Variants in WDR11 observed in about 807,000 individuals in gnomAD.
WDR11 encodes the protein WD repeat-containing protein 11.
Under a neutral mutation model 151.2 loss-of-function variants are expected in WDR11, and 83 were observed. That is an observed-to-expected ratio of 0.55 (90% CI 0.46 to 0.66). The LOEUF is 0.66. WDR11 is among the 30% of genes least tolerant of loss of function. The probability of loss-of-function intolerance (pLI) is 0.00; values close to 1 mark genes in which losing one functional copy is unlikely to be tolerated. For synonymous variants in WDR11, 484 were observed against 533.1 expected, an observed-to-expected ratio of 0.91 and a Z score of 1.27; for missense variants, 1,301 against 1,480.9, an observed-to-expected ratio of 0.88 and a Z score of 1.99.
rs191682729 is a variant in WDR11, at chr10:120,904,323, T to C, written c.3027+181T>C. Reference sequence around the variant, plus strand: ...AATAAACCTCATGAGAAAAAACATATGGTTAACCAGCTTGTAATTTAGACT... The same window carrying C: ...AATAAACCTCATGAGAAAAAACATACGGTTAACCAGCTTGTAATTTAGACT... On this transcript the variant is annotated intron_variant, in intron 24 of 28. Coordinates refer to ENST00000263461, the MANE Select transcript of WDR11 (RefSeq NM_018117.12). Among the ~76,000 whole-genome samples, 471 of 152,318 alleles carry C rather than the reference T, an allele frequency of 3.1e-3. 2 individuals are homozygous for C. The highest frequency in any genetic ancestry group is 3.7e-3 in the Non-Finnish European group (252 of 68,030).
chr10:120,870,178 A>C (rs537583027), intron 9 of WDR11, among the ~76,000 whole-genome samples: 3 of 152,090 alleles, frequency 2.0e-5, no homozygotes, highest in Non-Finnish European at 4.4e-5. Flanking sequence ...TTAAAATGCT[A>C]TTTTTTCTAT....
chr10:120,888,169 G>A (rs1193410322), intron 16 of WDR11, among the ~76,000 whole-genome samples: 1 of 152,108 alleles, frequency 6.6e-6, no homozygotes, highest in Non-Finnish European at 1.5e-5. Flanking sequence ...AGAAGTAATT[G>A]AGCAGTAATA....
intron 2 of WDR11, among the ~76,000 whole-genome samples, 188 bp downstream of exon 2, chr10:120,852,823 T>C (rs1265471873): frequency 6.6e-6 from 1 of 152,252 alleles, no homozygotes; most frequent in African/African-American, 2.4e-5. Flanking sequence ...TATTAAATGC[T>C]AGTTGTTAGA....
intron 19 of WDR11, among the ~76,000 whole-genome samples, chr10:120,895,660 T>G (rs910266139): frequency 2.6e-5 from 4 of 152,140 alleles, no homozygotes; most frequent in Admixed American, 2.6e-4. Context: ...AAACAAATGA[T>G]GCTTCAACAT....
chr10:120,886,113 T>C (rs1847206900), intron 15 of WDR11, among the ~76,000 whole-genome samples, 175 bp downstream of exon 15: 1 of 152,210 alleles, frequency 6.6e-6, no homozygotes, highest in Admixed American at 6.5e-5. Flanking sequence ...TTATCATTTT[T>C]AGTATTGTAC....
chr10:120,873,385 A>C (rs1846616153), intron 10 of WDR11, among the ~76,000 whole-genome samples: 1 of 152,212 alleles, frequency 6.6e-6, no homozygotes, highest in Non-Finnish European at 1.5e-5. Context: ...TCTTGTCAGG[A>C]TTTATTTAAT....
At chr10:120,866,470 G>T in intron 7 of WDR11, 99 bp from the exon 8 acceptor site, 2 of 1,385,166 alleles carry the variant, frequency 1.4e-6, no homozygotes, top group Non-Finnish European at 2.0e-6. Context: ...TCATGAAGGA[G>T]TGATGCCCAA....
At chr10:120,859,997 GGTTAA>G in intron 3 of WDR11, 107 bp from the exon 4 acceptor site, 1 of 1,230,638 alleles carries the variant, frequency 8.1e-7, no homozygotes, top group Non-Finnish European at 1.2e-6. Flanking sequence ...TGGGGCTGGT[GGTTAA>G]GTTTTTAAAG....
intron 10 of WDR11, among the ~76,000 whole-genome samples, chr10:120,873,522 C>T (rs1466260216): frequency 1.3e-5 from 2 of 152,126 alleles, no homozygotes; most frequent in African/African-American, 2.4e-5. Flanking sequence ...AGTATAAATT[C>T]CCATGTGTAT....
chr10:120,904,834 G>T (rs778520444), intron 25 of WDR11, 23 bp downstream of exon 25: 3 of 1,613,952 alleles, frequency 1.9e-6, no homozygotes, highest in Non-Finnish European at 2.5e-6. Context: ...TGATATGTTT[G>T]TCATCTCTCT....
chr10:120,894,441 G>A (rs2133799453), intron 19 of WDR11, among the ~76,000 whole-genome samples: 1 of 152,260 alleles, frequency 6.6e-6, no homozygotes, highest in East Asian at 1.9e-4. Flanking sequence ...GGAGGTCTGG[G>A]GATGCTAAAC....
intron 1 of WDR11, chr10:120,851,839 T>C: frequency 4.5e-6 from 2 of 444,930 alleles, no homozygotes; most frequent in South Asian, 2.3e-5. Flanking sequence ...ATTAATTCCC[T>C]GTGCACTTTC....
At chr10:120,867,783 A>G (rs1328838206) in intron 9 of WDR11, among the ~76,000 whole-genome samples, 1 of 152,212 alleles carries the variant, frequency 6.6e-6, no homozygotes, top group Non-Finnish European at 1.5e-5. Flanking sequence ...TTTTGTAGTA[A>G]ATATTTACTG....
rs753755460 is a variant in WDR11 at position 120,865,166 on chromosome 10, C to T, written c.833C>T (p.Thr278Met). The change falls in exon 6 of 29, where the codon ACG (threonine) becomes ATG (methionine). Residue 278 changes from threonine to methionine, a missense_variant. This residue lies in a region of WDR11 where 692 missense variants were observed against 762.5 expected (regional missense o/e 0.91). Transcript: ENST00000263461. ...ILILDLEVNQ[T>M]VGVIAIERTG... ...ATCCTTGACCTTGAGGTGAATCAGA[C>T]GGTGGGTGTGATTGCAATAGAACGC... 7.0e-5 allele frequency: 113 copies of T among 1,613,750 alleles called. No individual in the cohort carries two copies. Among genetic ancestry groups the T allele is most frequent in the Admixed American group, 1.8e-4 (11 of 59,992 alleles).
chr10:120,865,306 T>C, intron 6 of WDR11, 94 bp downstream of exon 6: 1 of 1,260,290 alleles, frequency 7.9e-7, no homozygotes, highest in Non-Finnish European at 1.1e-6. Context: ...TCTTCAGTTC[T>C]CCACTTTCTC....
rs1411725602 is a variant in WDR11, at chr10:120,905,691, G to A, written c.3292-185G>A. 11 of 1,097,700 alleles carry A rather than the reference G, an allele frequency of 1.0e-5. No homozygotes were observed. In the South Asian group the frequency reaches 1.4e-4, roughly 14 times the overall value. The allele number at this position is 1,097,700 out of a possible 1,614,324, so 68.0% of individuals were successfully genotyped here. A position where few individuals can be genotyped will look rare whatever the true frequency, so the allele number is the denominator to read the frequency against. On this transcript the variant is annotated intron_variant, in intron 26 of 28. Coordinates refer to ENST00000263461, the MANE Select transcript of WDR11 (RefSeq NM_018117.12). Reference sequence around the variant, plus strand: ...AACTACAGTCCAGAGGTATAGCCAGGCCCTGGGTCCCGTAGGCACAGACCG... The same window carrying A: ...AACTACAGTCCAGAGGTATAGCCAGACCCTGGGTCCCGTAGGCACAGACCG...
At chr10:120,865,408 C>T (rs1193157832) in intron 6 of WDR11, among the ~76,000 whole-genome samples, 196 bp downstream of exon 6, 1 of 152,048 alleles carries the variant, frequency 6.6e-6, no homozygotes, top group East Asian at 1.9e-4. Flanking sequence ...GAAATTGTGA[C>T]TGATCCTGAG....
chr10:120,892,045 G>T (rs944833902), intron 19 of WDR11, among the ~76,000 whole-genome samples: 1 of 152,092 alleles, frequency 6.6e-6, no homozygotes, highest in Non-Finnish European at 1.5e-5. Context: ...CTTCAAGGGT[G>T]GTTTTTGAAA....
chr10:120,878,226 T>C (rs1207133353), intron 11 of WDR11, 127 bp from the exon 12 acceptor site: 4 of 702,940 alleles, frequency 5.7e-6, no homozygotes, highest in Non-Finnish European at 9.7e-6. Context: ...AGATAAAAGG[T>C]CATGCTTACT....
Sources: allele counts gnomAD v4.1 joint callset (sites outside exome capture counted in the v4.1 genomes callset), GRCh38; gene constraint gnomAD v4.1.1; regional missense constraint gnomAD v4.1.1; transcripts MANE v1.5; gene names NCBI Gene and HGNC (gene_info 2026-07-23, HGNC 2026-07-21).